The following TDRD3 variants were observed in gnomAD, a reference collection of about 807,000 sequenced individuals.
TDRD3 encodes the protein tudor domain containing 3, also known as tudor domain-containing protein 3.
In TDRD3, 45 loss-of-function variants were observed where a neutral mutation model predicts 86.7. That is an observed-to-expected ratio of 0.52 (90% CI 0.41 to 0.67). TDRD3 has a LOEUF of 0.67. Among genes scored for constraint, TDRD3 ranks in the 30% least tolerant of loss-of-function variants. TDRD3 has a pLI of 0.00. For synonymous variants in TDRD3, 298 were observed against 301.7 expected (o/e 0.99, Z 0.13); for missense variants, 814 against 889.0 (o/e 0.92, Z 1.07).
intron 1 of TDRD3, among the ~76,000 whole-genome samples, chr13:60,431,218 C>CT (rs1954946002): frequency 6.6e-6 from 1 of 151,876 alleles, no homozygotes; most frequent in African/African-American, 2.4e-5. Context: ...TGTCAGAAAC[C>CT]TTTAAGCTAG....
intron 10 of TDRD3, among the ~76,000 whole-genome samples, chr13:60,522,083 AAAATT>A (rs1450736920): frequency 4.6e-5 from 7 of 152,082 alleles, no homozygotes; most frequent in Non-Finnish European, 1.0e-4. Flanking sequence ...AATATAGAAA[AAAATT>A]AAAGGATGTA....
At chr13:60,549,573 C>T (rs1227954256) in intron 12 of TDRD3, among the ~76,000 whole-genome samples, 1 of 152,080 alleles carries the variant, frequency 6.6e-6, no homozygotes, top group East Asian at 1.9e-4. Context: ...CATTCTAAGA[C>T]ACGTGTGTGT....
chr13:60,461,668 A>C (rs1360664564), intron 4 of TDRD3, among the ~76,000 whole-genome samples: 4 of 152,208 alleles, frequency 2.6e-5, no homozygotes, highest in Non-Finnish European at 1.5e-5. Context: ...CTGGAGGTAC[A>C]AAGGTAAATG....
At chr13:60,529,360 T>C (rs1957530118) in intron 11 of TDRD3, 143 bp downstream of exon 11, 2 of 826,610 alleles carry the variant, frequency 2.4e-6, no homozygotes, top group African/African-American at 3.5e-5. Context: ...TTTATAGATA[T>C]ATAAAGGATA....
chr13:60,528,350 A>T lies in TDRD3; in HGVS notation c.1142-17A>T, dbSNP rs1475708459. The stretch of plus-strand genomic sequence containing the variant: ...GTCTTCATCTTAATTTGCATATGGT[A>T]TACTTTTACCTTTCAGAACCTAAAT... On this transcript the variant is annotated splice_polypyrimidine_tract_variant and intron_variant, in intron 10 of 13. Coordinates refer to ENST00000377881, the MANE Select transcript of TDRD3 (RefSeq NM_001146070.2). 30 of 1,575,138 alleles carry T rather than the reference A, an allele frequency of 1.9e-5. No individual in the cohort carries two copies. Among genetic ancestry groups the T allele is most frequent in the Non-Finnish European group, 2.4e-5 (28 of 1,162,874 alleles).
At chr13:60,545,316 A>G (rs1357940983) in intron 12 of TDRD3, among the ~76,000 whole-genome samples, 1 of 152,162 alleles carries the variant, frequency 6.6e-6, no homozygotes, top group East Asian at 1.9e-4. Flanking sequence ...GAAGCCCAAT[A>G]TAGACTTTTC....
chr13:60,533,309 G>T (rs775038801), intron 11 of TDRD3, among the ~76,000 whole-genome samples: 55 of 152,066 alleles, frequency 3.6e-4, no homozygotes, highest in Non-Finnish European at 8.8e-5. Flanking sequence ...AATTTTTGTT[G>T]CCTGTAGCAT....
At chr13:60,567,498 T>C (rs374192559) in intron 12 of TDRD3, 27 bp from the exon 13 acceptor site, 67 of 1,613,916 alleles carry the variant, frequency 4.2e-5, no homozygotes, top group African/African-American at 8.0e-5. Flanking sequence ...ATTTTGAACA[T>C]GTAAAATCAC....
At chr13:60,521,464 TAA>T (rs374399233) in intron 10 of TDRD3, among the ~76,000 whole-genome samples, 6 of 147,480 alleles carry the variant, frequency 4.1e-5, no homozygotes, top group African/African-American at 1.2e-4. Context: ...AGCTTTTTCT[TAA>T]AAAAAAAAAA....
chr13:60,527,095 A>G (rs1315008446), intron 10 of TDRD3, among the ~76,000 whole-genome samples: 2 of 152,130 alleles, frequency 1.3e-5, no homozygotes, highest in African/African-American at 4.8e-5. Flanking sequence ...TCAGCCTTCC[A>G]AAGTGCTTGG....
chr13:60,559,546 T>C (rs1216589520), intron 12 of TDRD3, among the ~76,000 whole-genome samples: 1 of 152,236 alleles, frequency 6.6e-6, no homozygotes, highest in Non-Finnish European at 1.5e-5. Flanking sequence ...CATTACATGA[T>C]GTTTATAGTA....
intron 10 of TDRD3, among the ~76,000 whole-genome samples, chr13:60,512,059 C>CTGA (rs1005426319): frequency 6.6e-6 from 1 of 152,044 alleles, no homozygotes; most frequent in Non-Finnish European, 1.5e-5. Flanking sequence ...GAAGATATAC[C>CTGA]TGAGACTAGG....
chr13:60,563,000 G>A (rs942075309), intron 12 of TDRD3, among the ~76,000 whole-genome samples: 2 of 151,986 alleles, frequency 1.3e-5, no homozygotes, highest in South Asian at 4.2e-4. Flanking sequence ...AAGCCAAGGT[G>A]GGTGGATCAC....
chr13:60,546,698 T>G (rs1957947541), intron 12 of TDRD3, among the ~76,000 whole-genome samples: 1 of 152,176 alleles, frequency 6.6e-6, no homozygotes, highest in African/African-American at 2.4e-5. Flanking sequence ...TTTGGTGTCT[T>G]GATTCTTAGG....
At chr13:60,461,428 A>C (rs796358951) in intron 4 of TDRD3, among the ~76,000 whole-genome samples, 2 of 152,234 alleles carry the variant, frequency 1.3e-5, no homozygotes, top group African/African-American at 4.8e-5. Context: ...TGTCCCCTCT[A>C]TTCTTGATAT....
intron 3 of TDRD3, among the ~76,000 whole-genome samples, chr13:60,448,266 A>T (rs1011051243): frequency 6.6e-6 from 1 of 152,164 alleles, no homozygotes; most frequent in Non-Finnish European, 1.5e-5. Context: ...TATTGAATTT[A>T]CAGCTCTCAT....
chr13:60,440,478 C>T (rs1274984490), intron 2 of TDRD3, among the ~76,000 whole-genome samples: 1 of 151,976 alleles, frequency 6.6e-6, no homozygotes, highest in Non-Finnish European at 1.5e-5. Flanking sequence ...GTCAGGAGTT[C>T]GAGACCAGCC....
Position 60,460,363 on chromosome 13 carries a change from CT to C in TDRD3, c.193-13del, listed in dbSNP as rs780797105. On this transcript the variant is annotated splice_polypyrimidine_tract_variant and intron_variant, in intron 3 of 13. Coordinates refer to ENST00000377881, the MANE Select transcript of TDRD3 (RefSeq NM_001146070.2). ...TCATGACTAGAAAGTGATTTTTATT[CT>C]TTTCTGTTTTGACAGCTCGAAGGTC... 1.3e-6 allele frequency: 2 copies of C among 1,569,110 alleles called. No individual in the cohort carries two copies.
In TDRD3 at chr13:60,529,056, G is replaced by T; in HGVS notation, c.1831G>T (p.Ala611Ser). ...GPIKPAGPVTAVPCDDKIFYN... is the reference protein window; with the variant it reads ...GPIKPAGPVTSVPCDDKIFYN... ...TATTAAGCCAGCAGGACCTGTCACA[G>T]CTGTACCCTGTGATGATAAAATATT... The change falls in exon 11 of 14, where the codon GCT becomes TCT. Residue 611 changes from alanine to serine, a missense_variant. Physicochemically the swap from Ala to Ser is moderately conservative, Grantham distance 99. Coordinates refer to ENST00000377881, the MANE Select transcript of TDRD3 (RefSeq NM_001146070.2). The T allele has an allele frequency of 6.2e-7, 1 of 1,614,040 alleles. No individual in the cohort carries two copies. Among genetic ancestry groups the T allele is most frequent in the Admixed American group, 1.7e-5 (1 of 60,010 alleles).
Sources: allele counts gnomAD v4.1 joint callset (sites outside exome capture counted in the v4.1 genomes callset), GRCh38; gene constraint gnomAD v4.1.1; transcripts MANE v1.5; gene names NCBI Gene and HGNC (gene_info 2026-07-23, HGNC 2026-07-21).